Variants in OVCH1 observed in about 807,000 individuals in gnomAD.
OVCH1 encodes the protein ovochymase 1.
Under a neutral mutation model 138.4 loss-of-function variants are expected in OVCH1, and 139 were observed. That is an observed-to-expected ratio of 1.00 (90% CI 0.87 to 1.16). The LOEUF (loss-of-function observed/expected upper bound fraction) is 1.16, where lower values mean the gene tolerates loss of function less well. Among genes scored for constraint, OVCH1 ranks in the 50% most tolerant of loss-of-function variants. OVCH1 has a pLI of 0.00. For missense variants in OVCH1, 1,367 were observed against 1,357.9 expected (o/e 1.01, Z -0.11); for synonymous variants, 453 against 467.8 (o/e 0.97, Z 0.41).
chr12:29,458,586 C>G (rs1942029295), intron 19 of OVCH1, among the ~76,000 whole-genome samples: 1 of 152,046 alleles, frequency 6.6e-6, no homozygotes, highest in African/African-American at 2.4e-5. Context: ...CTGGACTGGA[C>G]AAAGATTTCT....
intron 23 of OVCH1, 83 bp from the exon 24 acceptor site, chr12:29,444,363 C>G: frequency 1.5e-6 from 2 of 1,352,688 alleles, no homozygotes; most frequent in Non-Finnish European, 2.0e-6. Context: ...TCAAGGTAAA[C>G]AGCTCTCTTC....
intron 22 of OVCH1, among the ~76,000 whole-genome samples, chr12:29,447,767 C>G (rs180722325): frequency 6.6e-6 from 1 of 152,142 alleles, no homozygotes; most frequent in Non-Finnish European, 1.5e-5. Flanking sequence ...GAAATGAAAG[C>G]CAATGTAATA....
At chr12:29,471,954 G>A in exon 16 of OVCH1, 2 of 1,612,686 alleles carry the variant, frequency 1.2e-6, no homozygotes, top group African/African-American at 1.3e-5. Context: ...AAAGCCACTG[G>A]GGACTAAATG....
At chr12:29,435,471 A>T (rs545372623) in intron 26 of OVCH1, among the ~76,000 whole-genome samples, 1 of 152,038 alleles carries the variant, frequency 6.6e-6, no homozygotes, top group African/African-American at 2.4e-5. Flanking sequence ...GGTTCACGCC[A>T]TTCTCCTGCC....
chr12:29,417,760 AGT>A (rs55835508), intron 3 of OVCH1, among the ~76,000 whole-genome samples: 31,402 of 149,496 alleles, frequency 0.21, 3,463 homozygotes, highest in East Asian at 0.37. Flanking sequence ...CTGGCCTACA[AGT>A]GTGTGTGTGT....
intron 22 of OVCH1, among the ~76,000 whole-genome samples, chr12:29,449,540 A>C (rs1243079206): frequency 1.3e-5 from 2 of 152,000 alleles, no homozygotes; most frequent in African/African-American, 4.8e-5. Context: ...CATTTCCTTG[A>C]GCAGTGGTTT....
intron 8 of OVCH1, among the ~76,000 whole-genome samples, chr12:29,485,646 T>G (rs1191082665): frequency 1.3e-5 from 2 of 151,932 alleles, no homozygotes; most frequent in African/African-American, 2.4e-5. Context: ...TGGTGGCATG[T>G]GCCTGCCTGT....
chr12:29,466,393 A>G (rs1942323515), intron 16 of OVCH1, among the ~76,000 whole-genome samples: 1 of 152,208 alleles, frequency 6.6e-6, no homozygotes, highest in Non-Finnish European at 1.5e-5. Flanking sequence ...TGTTTAAAAA[A>G]TTATATCTGT....
At chr12:29,453,092 A>G (rs546118116) in intron 21 of OVCH1, among the ~76,000 whole-genome samples, 1 of 152,290 alleles carries the variant, frequency 6.6e-6, no homozygotes, top group African/African-American at 2.4e-5. Context: ...CCTTCCTGTT[A>G]TAAATGCCTT....
chr12:29,417,767 G>GTA (rs1941050666), intron 3 of OVCH1, among the ~76,000 whole-genome samples: 1 of 80,688 alleles, frequency 1.2e-5, no homozygotes, highest in African/African-American at 8.2e-5. Context: ...ACAAGTGTGT[G>GTA]TGTGTGTGTG....
At chr12:29,443,335 A>G (rs1592044315) in intron 25 of OVCH1, 26 bp downstream of exon 25, 3 of 1,604,376 alleles carry the variant, frequency 1.9e-6, no homozygotes, top group Non-Finnish European at 2.6e-6. Context: ...AATCAGTAGC[A>G]TAGAGATTCA....
At chr12:29,496,352 A>T (rs1943416407) in intron 2 of OVCH1, 74 bp from the exon 3 acceptor site, 1 of 1,309,230 alleles carries the variant, frequency 7.6e-7, no homozygotes, top group Admixed American at 2.0e-5. Flanking sequence ...AACACTGGAG[A>T]TCAACTTTTC....
the OVCH1 span, among the ~76,000 whole-genome samples, chr12:29,404,723 G>GAATC: frequency 6.6e-6 from 1 of 152,046 alleles, no homozygotes; most frequent in Non-Finnish European, 1.5e-5. Context: ...CTATGCAGCT[G>GAATC]AATCATAAGA....
chr12:29,459,381 C>A (rs918089672), intron 19 of OVCH1, among the ~76,000 whole-genome samples: 3 of 152,022 alleles, frequency 2.0e-5, no homozygotes, highest in Non-Finnish European at 4.4e-5. Context: ...ATAAGCCAGG[C>A]ACAGAAAGAC....
At chr12:29,432,681 G>C (rs1292794515) in intron 27 of OVCH1, among the ~76,000 whole-genome samples, 4 of 152,184 alleles carry the variant, frequency 2.6e-5, no homozygotes, top group Admixed American at 2.6e-4. Context: ...TTTAAAGCTA[G>C]AGAATGGGTG....
At chr12:29,460,117 C>T (rs1592066765) in intron 19 of OVCH1, among the ~76,000 whole-genome samples, 1 of 152,166 alleles carries the variant, frequency 6.6e-6, no homozygotes, top group East Asian at 1.9e-4. Context: ...TACATTTGGT[C>T]ATGCTGCAGC....
chr12:29,437,360 A>C (rs1941382905), intron 26 of OVCH1, among the ~76,000 whole-genome samples: 1 of 152,164 alleles, frequency 6.6e-6, no homozygotes, highest in Non-Finnish European at 1.5e-5. Context: ...TATTTATTGT[A>C]CTTAATAATT....
chr12:29,496,621 C>T, exon 2 of OVCH1: 1 of 1,613,898 alleles, frequency 6.2e-7, no homozygotes, highest in Non-Finnish European at 8.5e-7. Flanking sequence ...AATCTAGATC[C>T]CACGGCAGGT....
At chr12:29,411,068 G>C (rs370373915), downstream of OVCH1, among the ~76,000 whole-genome samples, 2 of 135,632 alleles carry the variant, frequency 1.5e-5, no homozygotes, top group African/African-American at 5.1e-5. Flanking sequence ...ATCTTCCATC[G>C]CTGATACCCT....
Sources: gnomAD v4.1 joint callset for allele counts (sites outside exome capture counted in the v4.1 genomes callset) on GRCh38, gnomAD v4.1.1 for gene constraint, MANE v1.5 for transcripts, NCBI Gene and HGNC (gene_info 2026-07-23, HGNC 2026-07-21) for gene names.